Variants in NLRC5 observed in about 807,000 individuals in gnomAD.
NLRC5 encodes the protein NLR family CARD domain containing 5.
NLRC5 carries 114 observed loss-of-function variants against 206.9 expected under a neutral mutation model. The ratio of observed to expected loss-of-function variants is 0.55; its 90% CI spans 0.47 to 0.64. NLRC5 has a LOEUF of 0.64. Among genes scored for constraint, NLRC5 ranks in the 30% least tolerant of loss-of-function variants. The pLI, the probability that NLRC5 is intolerant of heterozygous loss-of-function variation, is 0.00. For missense variants in NLRC5, 2,008 were observed against 2,305.5 expected, an observed-to-expected ratio of 0.87 and a Z score of 2.64; for synonymous variants, 952 against 962.8, an observed-to-expected ratio of 0.99 and a Z score of 0.21.
intron 23 of NLRC5, 61 bp from the exon 24 acceptor site, chr16:57,051,477 G>T (rs1233996968): frequency 1.6e-6 from 2 of 1,251,618 alleles, no homozygotes; most frequent in African/African-American, 1.5e-5. Flanking sequence ...TGGCTATGAG[G>T]CCGTGCTCCC....
intron 46 of NLRC5, among the ~76,000 whole-genome samples, chr16:57,080,052 G>A (rs79695161): frequency 0.028 from 4,306 of 152,186 alleles, 226 homozygotes; most frequent in African/African-American, 0.099. Context: ...CTGGCTGGCC[G>A]TGCTTGGCTG....
rs1038993953 is a variant in NLRC5, at chr16:57,026,321, C to T, written c.1378C>T (p.Leu460=). The change falls in exon 6 of 49, where the codon CTG becomes TTG. Residue 460 remains leucine, a synonymous_variant. Coordinates refer to ENST00000688547, the MANE Select transcript of NLRC5 (RefSeq NM_001384950.1). The stretch of plus-strand genomic sequence containing the variant: ...CTTGCCCACCTCGTCCCTACTGGAC[C>T]TGGGGGAGGTGGCCCTGAGGGGCCT... ...GHLPTSSLLD[L]GEVALRGLET... is the part of the protein sequence containing the mutation. 2 of 1,613,920 alleles carry T rather than the reference C, an allele frequency of 1.2e-6. No individual in the cohort carries two copies. Among genetic ancestry groups the T allele is most frequent in the Non-Finnish European group, 1.7e-6 (2 of 1,180,068 alleles).
chr16:57,066,636 C>T, intron 34 of NLRC5, 22 bp downstream of exon 34: 2 of 1,605,640 alleles, frequency 1.2e-6, no homozygotes, highest in Non-Finnish European at 1.7e-6. Context: ...CACCAGGGAC[C>T]CCAAGGCAGG....
At chr16:57,028,811 C>T (rs776432893) in intron 8 of NLRC5, among the ~76,000 whole-genome samples, 3 of 152,230 alleles carry the variant, frequency 2.0e-5, no homozygotes, top group East Asian at 1.9e-4. Context: ...CATGCCCACT[C>T]ATAGGTGTGC....
intron 1 of NLRC5, among the ~76,000 whole-genome samples, chr16:56,990,093 A>G (rs2056624777): frequency 6.6e-6 from 1 of 152,214 alleles, no homozygotes; most frequent in South Asian, 2.1e-4. Context: ...ACAATAGTAG[A>G]AGGAATAGAA....
At chr16:57,064,392 A>T (rs1319723000) in intron 32 of NLRC5, among the ~76,000 whole-genome samples, 4 of 152,230 alleles carry the variant, frequency 2.6e-5, no homozygotes, top group African/African-American at 9.6e-5. Context: ...AATATAGAAA[A>T]TTAAAGAAGA....
chr16:57,058,547 C>T, intron 28 of NLRC5: 1 of 320,430 alleles, frequency 3.1e-6, no homozygotes, highest in Admixed American at 4.5e-5. Flanking sequence ...GGAGATGTCC[C>T]TGTGGCAGGC....
At chr16:57,037,088 C>T (rs2062681583) in intron 14 of NLRC5, 107 bp from the exon 15 acceptor site, 1 of 917,076 alleles carries the variant, frequency 1.1e-6, no homozygotes, top group African/African-American at 1.6e-5. Context: ...CTAGGACATC[C>T]AGGAGTGACA....
At chr16:57,058,518 A>G (rs2065984990) in intron 28 of NLRC5, 3 of 331,048 alleles carry the variant, frequency 9.1e-6, no homozygotes, top group South Asian at 3.7e-5. Context: ...TTCTGACCCA[A>G]TCTGTGGAAC....
intron 32 of NLRC5, among the ~76,000 whole-genome samples, chr16:57,063,974 G>A (rs1360314874): frequency 2.0e-5 from 3 of 150,988 alleles, no homozygotes; most frequent in South Asian, 2.1e-4. Context: ...TCCTGACCTC[G>A]TGATCCCCCC....
intron 33 of NLRC5, 42 bp downstream of exon 33, chr16:57,065,340 C>A: frequency 7.1e-7 from 1 of 1,409,122 alleles, no homozygotes; most frequent in Non-Finnish European, 9.7e-7. Context: ...CTTCATCTTT[C>A]ATAAGCATTG....
intron 17 of NLRC5, among the ~76,000 whole-genome samples, chr16:57,040,953 C>T (rs567569310): frequency 2.6e-5 from 4 of 152,208 alleles, no homozygotes; most frequent in African/African-American, 9.6e-5. Context: ...GGAGACCCCA[C>T]TCCCCTTAGC....
intron 23 of NLRC5, among the ~76,000 whole-genome samples, chr16:57,049,143 T>C (rs938550454): frequency 1.3e-5 from 2 of 151,704 alleles, no homozygotes; most frequent in Non-Finnish European, 2.9e-5. Flanking sequence ...AAAAATCTCA[T>C]AGTGTTTTAA....
At chr16:57,018,823 G>A (rs771621172) in intron 2 of NLRC5, among the ~76,000 whole-genome samples, 16 of 152,124 alleles carry the variant, frequency 1.1e-4, no homozygotes, top group South Asian at 2.1e-4. Context: ...AAGTACATCC[G>A]GAAATGTGAT....
At chr16:57,009,991 A>G (rs1370030632) in intron 1 of NLRC5, among the ~76,000 whole-genome samples, 8 of 152,194 alleles carry the variant, frequency 5.3e-5, no homozygotes, top group African/African-American at 1.9e-4. Context: ...GATGGTGTCC[A>G]GGCTAGGCCA....
intron 38 of NLRC5, among the ~76,000 whole-genome samples, chr16:57,071,016 TGGC>T (rs1234318127): frequency 1.9e-4 from 13 of 68,494 alleles, no homozygotes; most frequent in Non-Finnish European, 3.3e-4. Flanking sequence ...GAGTGAGTGG[TGGC>T]GTTGGTTAAT....
intron 13 of NLRC5, among the ~76,000 whole-genome samples, chr16:57,035,148 C>A (rs905210631): frequency 1.3e-5 from 2 of 152,292 alleles, no homozygotes; most frequent in South Asian, 4.1e-4. Flanking sequence ...GGTTACGCAG[C>A]CACCTCCTAG....
At position 57,049,606 on chromosome 16, in the gene NLRC5, C is replaced by T. The variant is rs545390390; in HGVS notation, c.3423-1932C>T. ...CAAAAATTAGCCAGGCATGGTGGTG[C>T]ACCCCTGTAATCCCAGCTACTCTGG... is the stretch of plus-strand genomic sequence containing the variant. On this transcript the variant is annotated intron_variant, in intron 23 of 48. Coordinates refer to ENST00000688547, the MANE Select transcript of NLRC5 (RefSeq NM_001384950.1). Among the ~76,000 whole-genome samples, 10 of 152,058 alleles carry T rather than the reference C, an allele frequency of 6.6e-5. No individual in the cohort carries two copies. In the East Asian group the frequency reaches 1.5e-3, roughly 24 times the overall value.
intron 28 of NLRC5, 22 bp downstream of exon 28, chr16:57,058,170 G>T: frequency 6.3e-7 from 1 of 1,591,688 alleles, no homozygotes; most frequent in Non-Finnish European, 8.6e-7. Context: ...GCAGCATAAA[G>T]GACAGATAGC....
Sources: gnomAD v4.1 joint callset for allele counts (sites outside exome capture counted in the v4.1 genomes callset) on GRCh38, gnomAD v4.1.1 for gene constraint, MANE v1.5 for transcripts, NCBI Gene and HGNC (gene_info 2026-07-23, HGNC 2026-07-21) for gene names.